The following EML4 variants were observed in gnomAD, a reference collection of about 807,000 sequenced individuals.
EML4 encodes the protein echinoderm microtubule-associated protein-like 4.
EML4 carries 72 observed loss-of-function variants against 129.0 expected under a neutral mutation model. That is an observed-to-expected ratio of 0.56 (90% confidence interval 0.46 to 0.68). The LOEUF is 0.68. Among genes scored for constraint, EML4 ranks in the 30% least tolerant of loss-of-function variants. The probability of loss-of-function intolerance (pLI) is 0.00; values close to 1 mark genes in which losing one functional copy is unlikely to be tolerated. For synonymous variants in EML4, 532 were observed against 405.0 expected, an observed-to-expected ratio of 1.31 and a Z score of -3.77; for missense variants, 1,363 against 1,190.6, an observed-to-expected ratio of 1.14 and a Z score of -2.13.
chr2:42,241,978 C>G (rs1260748859), intron 1 of EML4, among the ~76,000 whole-genome samples: 1 of 152,084 alleles, frequency 6.6e-6, no homozygotes, highest in Admixed American at 6.6e-5. Context: ...TCTTGTGTCT[C>G]ACAGTGTCTA....
chr2:42,291,346 A>G (rs1667627475), intron 11 of EML4, among the ~76,000 whole-genome samples: 2 of 152,064 alleles, frequency 1.3e-5, no homozygotes, highest in South Asian at 4.2e-4. Context: ...AGTACTAACC[A>G]TAATGGGAGA....
chr2:42,193,262 C>G (rs1671705978), intron 1 of EML4, among the ~76,000 whole-genome samples: 1 of 152,160 alleles, frequency 6.6e-6, no homozygotes, highest in Admixed American at 6.5e-5. Flanking sequence ...GCTATACCAT[C>G]TAGGTTTGTG....
chr2:42,217,181 C>T (rs1406943312), intron 1 of EML4, among the ~76,000 whole-genome samples: 1 of 152,192 alleles, frequency 6.6e-6, no homozygotes, highest in South Asian at 2.1e-4. Flanking sequence ...AGAGCTATGA[C>T]ATATGTATAT....
rs760571560 is a variant in EML4 at position 42,203,726 on chromosome 2, CAGAG to C, written c.25+34093_25+34096del. 1.4e-4 allele frequency among the ~76,000 whole-genome samples: 20 copies of C among 140,298 alleles called. No homozygotes were observed. In the East Asian group the frequency reaches 1.5e-3, roughly 11 times the overall value. 92.0% of individuals were successfully genotyped at this position (140,298 alleles called of 152,430 possible). A position where few individuals can be genotyped will look rare whatever the true frequency, so the allele number is the denominator to read the frequency against. ...GAACATAAAGAGGGGAAAAAAAAAA[CAGAG>C]AGGATTAATTGATAATATACTTCTA... On this transcript the variant is annotated intron_variant, in intron 1 of 22. Transcript: ENST00000318522.
At chr2:42,326,316 G>T in intron 21 of EML4, 64 bp downstream of exon 21, 1 of 1,091,548 alleles carries the variant, frequency 9.2e-7, no homozygotes, top group Non-Finnish European at 1.3e-6. Flanking sequence ...ATATTTACTT[G>T]CTTAAATTTA....
intron 6 of EML4, among the ~76,000 whole-genome samples, chr2:42,266,457 A>T (rs1167487223): frequency 2.0e-5 from 3 of 151,858 alleles, no homozygotes; most frequent in Non-Finnish European, 2.9e-5. Context: ...CAGTCCTCTC[A>T]CTGAAGCCTC....
At chr2:42,215,628 T>A (rs370294512) in intron 1 of EML4, among the ~76,000 whole-genome samples, 2 of 152,336 alleles carry the variant, frequency 1.3e-5, no homozygotes, top group African/African-American at 4.8e-5. Context: ...ATACTTGGGT[T>A]ACCATATATC....
chr2:42,201,153 C>G (rs984155788), intron 1 of EML4, among the ~76,000 whole-genome samples: 2 of 152,134 alleles, frequency 1.3e-5, no homozygotes, highest in Non-Finnish European at 2.9e-5. Context: ...TGGCTACATG[C>G]TAGCTGGAAA....
intron 10 of EML4, among the ~76,000 whole-genome samples, chr2:42,286,772 C>T (rs1307517338): frequency 6.6e-6 from 1 of 152,132 alleles, no homozygotes; most frequent in African/African-American, 2.4e-5. Flanking sequence ...GCAAACTTGG[C>T]CAGTTCTGTA....
At chr2:42,174,965 C>T (rs533517322) in intron 1 of EML4, among the ~76,000 whole-genome samples, 18 of 151,662 alleles carry the variant, frequency 1.2e-4, no homozygotes, top group African/African-American at 3.1e-4. Context: ...TACAGGTGCC[C>T]GCCAGCATGT....
Position 42,296,487 on chromosome 2 carries a change from C to G in EML4, c.1489+971C>G, listed in dbSNP as rs192190496. 3.0e-3 allele frequency among the ~76,000 whole-genome samples: 456 copies of G among 151,928 alleles called. 2 individuals are homozygous for G. The highest frequency in any genetic ancestry group is 0.011 in the African/African-American group (441 of 41,390). ...AACAACACCTTATACTTCTCTCTCT[C>G]TCTCTCTCTCTGGAGTCCTTGCATC... On this transcript the variant is annotated intron_variant, in intron 13 of 22. Coordinates refer to ENST00000318522, the MANE Select transcript of EML4 (RefSeq NM_019063.5).
chr2:42,329,061 C>T (rs1669962696), intron 22 of EML4, 45 bp downstream of exon 22: 9 of 1,571,074 alleles, frequency 5.7e-6, no homozygotes, highest in Non-Finnish European at 6.1e-6. Flanking sequence ...GCCTTCTGTC[C>T]AGGGATGATT....
In EML4 at chr2:42,282,859, T is replaced by G; in HGVS notation, c.828T>G (p.Val276=). 6.2e-7 allele frequency: 1 copy of G among 1,613,490 alleles called. No individual in the cohort carries two copies. The part of the protein sequence containing the change: ...GYRGKDCRAN[V]YLLPTGKIVY... ...GAGGAAAGGACTGTAGAGCTAATGTTTACCTTCTTCCGACCGGGAAAATAG... is the reference window on the plus strand; with the variant it reads ...GAGGAAAGGACTGTAGAGCTAATGTGTACCTTCTTCCGACCGGGAAAATAG... The change falls in exon 8 of 23, where the codon GTT becomes GTG. Residue 276 remains valine (V), a synonymous_variant. Coordinates refer to ENST00000318522, the MANE Select transcript of EML4 (RefSeq NM_019063.5).
intron 4 of EML4, among the ~76,000 whole-genome samples, chr2:42,262,317 G>T (rs192403740): frequency 5.8e-4 from 88 of 152,158 alleles, no homozygotes; most frequent in Non-Finnish European, 2.1e-4. Context: ...CAATCTAAAT[G>T]GTTTGTAGTT....
At chr2:42,279,624 AT>A (rs1666893440) in intron 6 of EML4, among the ~76,000 whole-genome samples, 2 of 151,588 alleles carry the variant, frequency 1.3e-5, no homozygotes, top group Admixed American at 6.6e-5. Flanking sequence ...TGCCTGGCTA[AT>A]TTTTTTTATT....
In EML4 at chr2:42,256,565, A is replaced by C; in HGVS notation, c.273A>C (p.Arg91Ser). The change falls in exon 3 of 23, where the codon AGA (arginine) becomes AGC (serine). Residue 91 changes from arginine (R) to serine (S), a missense_variant. Arg to Ser is a moderately radical substitution (Grantham distance 110). Coordinates refer to ENST00000318522, the MANE Select transcript of EML4 (RefSeq NM_019063.5). Reference sequence around the variant, plus strand: ...TAACCAATGGAAGTGGTGCAAACAGAAAACCAAGTCATACCAGTGCTGTCT... The same window carrying C: ...TAACCAATGGAAGTGGTGCAAACAGCAAACCAAGTCATACCAGTGCTGTCT... The part of the protein sequence containing the change: ...SCITNGSGAN[R>S]KPSHTSAVSI... 3.1e-6 allele frequency: 5 copies of C among 1,614,056 alleles called. No individual in the cohort carries two copies. Among genetic ancestry groups the C allele is most frequent in the Non-Finnish European group, 4.2e-6 (5 of 1,179,894 alleles).
intron 13 of EML4, among the ~76,000 whole-genome samples, chr2:42,296,845 C>T (rs1454067929): frequency 6.6e-6 from 1 of 152,166 alleles, no homozygotes; most frequent in East Asian, 1.9e-4. Flanking sequence ...TATTCAGATG[C>T]TCCTTGACTT....
intron 1 of EML4, among the ~76,000 whole-genome samples, chr2:42,187,033 TCTC>T (rs1404895111): frequency 1.5e-5 from 2 of 133,736 alleles, no homozygotes; most frequent in African/African-American, 2.8e-5. Flanking sequence ...TTTTTTTTCT[TCTC>T]CTTTTTTTGG....
chr2:42,222,052 C>G (rs1558514905), intron 1 of EML4, among the ~76,000 whole-genome samples: 1 of 152,022 alleles, frequency 6.6e-6, no homozygotes, highest in Non-Finnish European at 1.5e-5. Flanking sequence ...CTTCTTCTCT[C>G]CTTAGTCTTC....
Sources: gnomAD v4.1 joint callset for allele counts (sites outside exome capture counted in the v4.1 genomes callset) on GRCh38, gnomAD v4.1.1 for gene constraint, MANE v1.5 for transcripts, NCBI Gene and HGNC (gene_info 2026-07-23, HGNC 2026-07-21) for gene names.